Variants in CNTLN observed in about 807,000 individuals in gnomAD.
CNTLN encodes the protein centlein, also known as centlein, centrosomal protein.
CNTLN carries 212 observed loss-of-function variants against 180.0 expected under a neutral mutation model. The observed-to-expected ratio is 1.18, with a 90% confidence interval of 1.05 to 1.32. The LOEUF (loss-of-function observed/expected upper bound fraction) is 1.32. Among genes scored for constraint, CNTLN ranks in the 40% most tolerant of loss-of-function variants. The pLI, the probability that CNTLN is intolerant of heterozygous loss-of-function variation, is 0.00. For synonymous variants in CNTLN, 722 were observed against 563.1 expected, an observed-to-expected ratio of 1.28 and a Z score of -3.99; for missense variants, 2,095 against 1,610.9, an observed-to-expected ratio of 1.30 and a Z score of -5.14.
chr9:17,261,604 A>G lies in CNTLN; in HGVS notation c.850-12129A>G, dbSNP rs961290187. ...TGTAGGGTTTTCTATGTATAGAATC[A>G]TATCATCAGTGACAAGGGGTAACGT... is the stretch of plus-strand genomic sequence containing the variant. On this transcript the variant is annotated intron_variant, in intron 5 of 25. Transcript: ENST00000380647. Among the ~76,000 whole-genome samples, 48 of 151,592 alleles carry G rather than the reference A, an allele frequency of 3.2e-4. 1 individual carries two copies. The highest frequency in any genetic ancestry group is 3.4e-3 in the Middle Eastern group (1 of 292).
At chr9:17,302,097 CACACACACACACACACACACACAG>C (rs905252388) in intron 7 of CNTLN, 24 of 950,986 alleles carry the variant, frequency 2.5e-5, no homozygotes, top group South Asian at 2.5e-4. Context: ...TGTACACACA[CACACACACACACACACACACACAG>C]ACACACACAC....
intron 12 of CNTLN, among the ~76,000 whole-genome samples, chr9:17,356,835 G>A (rs1051149061): frequency 1.1e-4 from 17 of 151,908 alleles, no homozygotes; most frequent in Admixed American, 4.6e-4. Context: ...TCTTCTATGC[G>A]TTTCCATTTT....
intron 3 of CNTLN, among the ~76,000 whole-genome samples, chr9:17,226,659 C>T: frequency 6.6e-6 from 1 of 151,926 alleles, no homozygotes; most frequent in Middle Eastern, 3.2e-3. Flanking sequence ...ATTATTTACA[C>T]TTAAAACTTG....
intron 13 of CNTLN, among the ~76,000 whole-genome samples, chr9:17,371,441 C>CTT (rs1824308199): frequency 6.6e-6 from 1 of 151,940 alleles, no homozygotes; most frequent in Non-Finnish European, 1.5e-5. Context: ...ATATATTCAC[C>CTT]CAACACGCTA....
At chr9:17,141,730 A>G (rs922511008) in intron 1 of CNTLN, among the ~76,000 whole-genome samples, 1 of 152,184 alleles carries the variant, frequency 6.6e-6, no homozygotes, top group African/African-American at 2.4e-5. Context: ...TTTGCCTATC[A>G]TGTAGATAAG....
At chr9:17,279,132 G>C (rs1043513897) in intron 6 of CNTLN, among the ~76,000 whole-genome samples, 1 of 151,656 alleles carries the variant, frequency 6.6e-6, no homozygotes, top group Non-Finnish European at 1.5e-5. Context: ...GTTGATTTTG[G>C]CACTCTGCTC....
chr9:17,357,040 C>G (rs1294401213), intron 12 of CNTLN, among the ~76,000 whole-genome samples: 1 of 152,216 alleles, frequency 6.6e-6, no homozygotes, highest in East Asian at 1.9e-4. Flanking sequence ...CAGCCCCTGT[C>G]TCTTTCTGCT....
At chr9:17,324,177 A>G (rs1424292403) in intron 8 of CNTLN, among the ~76,000 whole-genome samples, 1 of 152,176 alleles carries the variant, frequency 6.6e-6, no homozygotes, top group Non-Finnish European at 1.5e-5. Context: ...TAAAACTTAG[A>G]GTATGTATTA....
chr9:17,218,486 C>G (rs1190015219), intron 2 of CNTLN, among the ~76,000 whole-genome samples: 1 of 151,986 alleles, frequency 6.6e-6, no homozygotes, highest in African/African-American at 2.4e-5. Flanking sequence ...AGAAGAAATA[C>G]TTATAAAATA....
At chr9:17,428,100 A>G (rs1378390847) in intron 18 of CNTLN, among the ~76,000 whole-genome samples, 1 of 152,186 alleles carries the variant, frequency 6.6e-6, no homozygotes, top group Non-Finnish European at 1.5e-5. Context: ...ACCCTTGTTC[A>G]AGGAATGGCA....
intron 25 of CNTLN, 92 bp from the exon 26 acceptor site, chr9:17,502,459 A>G: frequency 1.6e-6 from 1 of 607,956 alleles, no homozygotes; most frequent in Non-Finnish European, 2.8e-6. Context: ...AGTTGCAGAC[A>G]TCTAACTTCT....
In CNTLN at chr9:17,428,163, A is replaced by T. The variant is rs926177952; in HGVS notation, c.3114+11974A>T. Among the ~76,000 whole-genome samples the T allele has an allele frequency of 3.3e-5, 5 of 152,196 alleles. No individual in the cohort carries two copies. In the East Asian group the frequency reaches 9.6e-4, roughly 29 times the overall value. ...GGCCCAAAGGATGAGAGGTAGTGTA[A>T]CAAAATTAGCAGAGTCACTTTCAGG... On this transcript the variant is annotated intron_variant, in intron 18 of 25. Coordinates refer to ENST00000380647, the MANE Select transcript of CNTLN (RefSeq NM_017738.4).
chr9:17,143,029 G>C (rs191506014), intron 1 of CNTLN, among the ~76,000 whole-genome samples: 3 of 152,246 alleles, frequency 2.0e-5, no homozygotes, highest in Admixed American at 1.3e-4. Flanking sequence ...TCCTTTTAGA[G>C]CAAGTTTAAC....
chr9:17,294,261 C>T (rs993131215), intron 6 of CNTLN, among the ~76,000 whole-genome samples: 1 of 152,036 alleles, frequency 6.6e-6, no homozygotes, highest in Non-Finnish European at 1.5e-5. Flanking sequence ...CCACTGCTGG[C>T]TCTGGCAGCC....
At chr9:17,487,586 G>C (rs574063557) in intron 25 of CNTLN, among the ~76,000 whole-genome samples, 1 of 152,142 alleles carries the variant, frequency 6.6e-6, no homozygotes, top group African/African-American at 2.4e-5. Flanking sequence ...ATATTGATTT[G>C]GCATCCTGTC....
chr9:17,144,430 A>G (rs1818308250), intron 2 of CNTLN, among the ~76,000 whole-genome samples: 1 of 152,082 alleles, frequency 6.6e-6, no homozygotes, highest in African/African-American at 2.4e-5. Context: ...TTTTTAGTAG[A>G]ATAAGCCTTC....
intron 13 of CNTLN, among the ~76,000 whole-genome samples, chr9:17,367,265 C>T (rs1430786299): frequency 4.6e-5 from 7 of 152,188 alleles, no homozygotes; most frequent in Admixed American, 4.6e-4. Context: ...AAAACCGGGC[C>T]AAATGCATCT....
chr9:17,220,005 T>G (rs1467092259), intron 2 of CNTLN, among the ~76,000 whole-genome samples: 1 of 152,058 alleles, frequency 6.6e-6, no homozygotes, highest in Non-Finnish European at 1.5e-5. Context: ...CATTGGTTAT[T>G]AGGGCCTCAA....
At chr9:17,450,606 T>G (rs1431712361) in intron 18 of CNTLN, among the ~76,000 whole-genome samples, 12 of 152,184 alleles carry the variant, frequency 7.9e-5, no homozygotes, top group Non-Finnish European at 1.8e-4. Flanking sequence ...AGCCAAAAGG[T>G]ACTTAATGGT....
Sources: allele counts gnomAD v4.1 joint callset (sites outside exome capture counted in the v4.1 genomes callset), GRCh38; gene constraint gnomAD v4.1.1; transcripts MANE v1.5; gene names NCBI Gene and HGNC (gene_info 2026-07-23, HGNC 2026-07-21).